The following CNOT4 variants were observed in gnomAD, a reference collection of about 807,000 sequenced individuals.
CNOT4 encodes the protein CCR4-NOT transcription complex subunit 4, also known as CCR4-associated factor 4.
In CNOT4, 8 loss-of-function variants were observed where a neutral mutation model predicts 73.8. The observed-to-expected ratio is 0.11, with a 90% CI of 0.06 to 0.20. The LOEUF is 0.20. Ranked by LOEUF, CNOT4 falls within the 10% of genes least tolerant of loss-of-function variation. CNOT4 has a pLI of 1.00. For synonymous variants in CNOT4, 293 were observed against 321.1 expected (o/e 0.91, Z 0.94); for missense variants, 564 against 883.4 (o/e 0.64, Z 4.58).
In CNOT4 at chr7:135,384,822, T is replaced by C. The variant is rs1444922814; in HGVS notation, c.1627+9096A>G. The C allele has an allele frequency of 8.4e-6, 6 of 718,456 alleles. No homozygotes were observed. The Admixed American group carries it at 9.8e-5, about 12-fold the overall frequency. The allele number at this position is 718,456 out of a possible 1,614,324, so 44.5% of individuals were successfully genotyped here. A position where few individuals can be genotyped will look rare whatever the true frequency, so the allele number is the denominator to read the frequency against. Reference sequence around the variant, plus strand: ...TCTAGTTAGCATCTTGTTTGTCTCTTCAACTTTGTTGTCAAATGTCTTAAC... The same window carrying C: ...TCTAGTTAGCATCTTGTTTGTCTCTCCAACTTTGTTGTCAAATGTCTTAAC... On this transcript the variant is annotated intron_variant, in intron 10 of 11. Transcript: ENST00000541284.
intron 1 of CNOT4, among the ~76,000 whole-genome samples, chr7:135,457,970 A>G (rs1800650389): frequency 1.3e-5 from 2 of 152,218 alleles, no homozygotes; most frequent in South Asian, 4.1e-4. Context: ...ATTATATTCT[A>G]CTACACAGAT....
intron 7 of CNOT4, among the ~76,000 whole-genome samples, chr7:135,405,516 G>A (rs1797231196): frequency 1.3e-5 from 2 of 152,218 alleles, no homozygotes; most frequent in African/African-American, 4.8e-5. Context: ...AAAATAGCCA[G>A]TCCTTAAGCA....
At chr7:135,425,818 T>G (rs1798459680) in intron 2 of CNOT4, among the ~76,000 whole-genome samples, 1 of 152,140 alleles carries the variant, frequency 6.6e-6, no homozygotes, top group Non-Finnish European at 1.5e-5. Flanking sequence ...TCCAAAAAAG[T>G]TCCTCCTCCA....
chr7:135,388,415 G>C, intron 10 of CNOT4: 1 of 983,714 alleles, frequency 1.0e-6, no homozygotes, highest in Non-Finnish European at 1.2e-6. Flanking sequence ...AGGAGATTAG[G>C]ATATTATTTT....
chr7:135,458,547 C>G (rs1296870344), intron 1 of CNOT4, among the ~76,000 whole-genome samples: 2 of 152,062 alleles, frequency 1.3e-5, no homozygotes, highest in Non-Finnish European at 2.9e-5. Context: ...CACGTAGAAC[C>G]TCTTTCAAAA....
chr7:135,497,700 T>A (rs749799189), intron 1 of CNOT4, among the ~76,000 whole-genome samples: 1 of 152,212 alleles, frequency 6.6e-6, no homozygotes, highest in Non-Finnish European at 1.5e-5. Context: ...TAATTTTCTA[T>A]GCCTTAGTTC....
chr7:135,365,772 A>C (rs906983842), intron 10 of CNOT4, among the ~76,000 whole-genome samples: 2 of 152,220 alleles, frequency 1.3e-5, no homozygotes, highest in Admixed American at 1.3e-4. Context: ...TAGCAGAGAG[A>C]TATTGTGACT....
rs115631273 is a variant in CNOT4 at position 135,415,987 on chromosome 7, A to G, written c.373-725T>C. ...ATCTCCTTTACTTTGTGAACACTAT[A>G]TGCATTCTTTCAGCTTCTCTTACAA... On this transcript the variant is annotated intron_variant, in intron 3 of 11. Coordinates refer to ENST00000541284, the MANE Select transcript of CNOT4 (RefSeq NM_001190850.2). Among the ~76,000 whole-genome samples, 1,319 of 152,164 alleles carry G rather than the reference A, an allele frequency of 8.7e-3. 23 individuals are homozygous for G. Among genetic ancestry groups the G allele is most frequent in the African/African-American group, 0.03 (1,259 of 41,526 alleles).
chr7:135,494,340 C>T (rs562218762), intron 1 of CNOT4, among the ~76,000 whole-genome samples: 13 of 151,744 alleles, frequency 8.6e-5, no homozygotes, highest in Middle Eastern at 3.4e-3. Flanking sequence ...CATGGTAGTG[C>T]GCGCCTGTAA....
chr7:135,462,942 A>T (rs536157630), intron 1 of CNOT4, among the ~76,000 whole-genome samples: 4 of 152,388 alleles, frequency 2.6e-5, no homozygotes, highest in Admixed American at 1.3e-4. Flanking sequence ...AATCTTCTGC[A>T]TATGGCTAGC....
chr7:135,397,414 A>G (rs996515998), intron 8 of CNOT4, among the ~76,000 whole-genome samples: 9 of 152,162 alleles, frequency 5.9e-5, no homozygotes, highest in Non-Finnish European at 8.8e-5. Context: ...TAAAATACAC[A>G]AGGGGATATA....
chr7:135,503,566 T>C (rs1409219350), intron 1 of CNOT4, among the ~76,000 whole-genome samples: 1 of 152,256 alleles, frequency 6.6e-6, no homozygotes, highest in African/African-American at 2.4e-5. Flanking sequence ...CCTACTTTTG[T>C]ACTTGTTTAA....
At chr7:135,372,396 T>C (rs1795256884) in intron 10 of CNOT4, among the ~76,000 whole-genome samples, 1 of 152,198 alleles carries the variant, frequency 6.6e-6, no homozygotes, top group African/African-American at 2.4e-5. Flanking sequence ...TGTATTGCAA[T>C]CATTTGTTTA....
At chr7:135,366,017 A>G (rs1253528732) in intron 10 of CNOT4, among the ~76,000 whole-genome samples, 1 of 152,242 alleles carries the variant, frequency 6.6e-6, no homozygotes, top group African/African-American at 2.4e-5. Flanking sequence ...AAAGCCAAAC[A>G]GGGAAAACTT....
intron 10 of CNOT4, chr7:135,386,167 T>G (rs1241988313): frequency 6.6e-6 from 1 of 151,416 alleles, no homozygotes; most frequent in African/African-American, 2.4e-5. Flanking sequence ...TTTTTTTTTT[T>G]TTTGATGGGA....
chr7:135,456,197 C>T (rs776401023), intron 1 of CNOT4, among the ~76,000 whole-genome samples: 4 of 152,180 alleles, frequency 2.6e-5, no homozygotes, highest in Non-Finnish European at 5.9e-5. Context: ...TATCTACGGA[C>T]ATTGAAAACT....
At chr7:135,388,614 G>A in intron 10 of CNOT4, 1 of 1,226,048 alleles carries the variant, frequency 8.2e-7, no homozygotes, top group Non-Finnish European at 1.0e-6. Context: ...TTATGTTAAA[G>A]GCCTAATGAA....
intron 7 of CNOT4, among the ~76,000 whole-genome samples, chr7:135,400,200 A>C (rs542739722): frequency 6.6e-6 from 1 of 152,126 alleles, no homozygotes; most frequent in South Asian, 2.1e-4. Flanking sequence ...GGCAGAGCTA[A>C]GTATTTAGTT....
chr7:135,463,182 T>C (rs896443840), intron 1 of CNOT4, among the ~76,000 whole-genome samples: 6 of 152,172 alleles, frequency 3.9e-5, no homozygotes, highest in African/African-American at 1.4e-4. Flanking sequence ...CGCTACCTTA[T>C]ACCATGCACA....
Sources: gnomAD v4.1 joint callset for allele counts (sites outside exome capture counted in the v4.1 genomes callset) on GRCh38, gnomAD v4.1.1 for gene constraint, MANE v1.5 for transcripts, NCBI Gene and HGNC (gene_info 2026-07-23, HGNC 2026-07-21) for gene names.